Variants in CHD1L observed in about 807,000 individuals in gnomAD.
CHD1L encodes ATP-dependent chromatin remodeler CHD1L.
CHD1L carries 118 observed loss-of-function variants against 115.9 expected under a neutral mutation model. That is an observed-to-expected ratio of 1.02 (90% CI 0.88 to 1.19). The LOEUF (loss-of-function observed/expected upper bound fraction) is 1.19. Ranked by LOEUF, CHD1L falls within the 50% of genes most tolerant of loss-of-function variation. The probability of loss-of-function intolerance (pLI) is 0.00; values close to 1 mark genes in which losing one functional copy is unlikely to be tolerated. For synonymous variants in CHD1L, 411 were observed against 387.1 expected (o/e 1.06, Z -0.72); for missense variants, 1,179 against 1,065.3 (o/e 1.11, Z -1.49).
chr1:147,225,771 A>G, the CHD1L span: 1 of 152,264 alleles, frequency 6.6e-6, no homozygotes, highest in Admixed American at 6.5e-5. Context: ...AGGATGAGCC[A>G]CAGACAAAAC....
chr1:147,189,859 G>A, the CHD1L span, among the ~76,000 whole-genome samples: 2,416 of 152,180 alleles, frequency 0.016, 79 homozygotes, highest in African/African-American at 0.056. Context: ...AAGTCTACTA[G>A]CACTTCAAGT....
At chr1:147,186,834 G>A in the CHD1L span, 20 of 1,531,662 alleles carry the variant, frequency 1.3e-5, no homozygotes, top group African/African-American at 5.5e-5. Context: ...AGTCAATCTC[G>A]TCAGATTCTG....
chr1:147,174,750 A>C, the CHD1L span: 1 of 152,240 alleles, frequency 6.6e-6, no homozygotes, highest in East Asian at 1.9e-4. Flanking sequence ...AGATCCTCTT[A>C]ACCAGTATCA....
At position 147,293,688 on chromosome 1, in the gene CHD1L, G is replaced by A. The variant is rs1686466765; in HGVS notation, c.2472G>A (p.Leu824=). The A allele has an allele frequency of 6.2e-7, 1 of 1,613,782 alleles. No homozygotes were observed. The highest frequency in any genetic ancestry group is 1.1e-5 in the South Asian group (1 of 91,020). Residue 824 remains leucine, a synonymous_variant, in exon 21 of 23, where the codon CTG becomes CTA. Coordinates refer to ENST00000369258, the MANE Select transcript of CHD1L (RefSeq NM_004284.6). ...GIKMAALEEG[L]KKIFLAAKKK... ...AGATGGCAGCCCTAGAAGAGGGCCTGAAGAAGATATTTTTAGCAGCAAAAA... is the reference window on the plus strand; with the variant it reads ...AGATGGCAGCCCTAGAAGAGGGCCTAAAGAAGATATTTTTAGCAGCAAAAA...
At chr1:147,192,888 T>C in the CHD1L span, among the ~76,000 whole-genome samples, 5 of 152,188 alleles carry the variant, frequency 3.3e-5, no homozygotes, top group African/African-American at 1.2e-4. Context: ...GATAAGCTTT[T>C]TGATGAGCTG....
chr1:147,258,144 G>C (rs1311611428), intron 5 of CHD1L, among the ~76,000 whole-genome samples: 2 of 152,156 alleles, frequency 1.3e-5, no homozygotes, highest in Non-Finnish European at 2.9e-5. Context: ...GGCTGTGCAT[G>C]TTACAAATAT....
intron 1 of CHD1L, among the ~76,000 whole-genome samples, chr1:147,250,896 G>T (rs1559735741): frequency 6.6e-6 from 1 of 152,140 alleles, no homozygotes. Flanking sequence ...GCCAGGTGGA[G>T]ATAATTGAAT....
At chr1:147,202,215 T>C in the CHD1L span, among the ~76,000 whole-genome samples, 2 of 151,712 alleles carry the variant, frequency 1.3e-5, no homozygotes, top group East Asian at 1.9e-4. Context: ...ACTGGAAACA[T>C]TGGGTTGGTG....
chr1:147,184,682 C>G, the CHD1L span: 3 of 1,440,806 alleles, frequency 2.1e-6, no homozygotes, highest in African/African-American at 4.3e-5. This position sits in a 1 kb window ranked among gnomAD's most constrained non-coding sequence, Gnocchi z 4.4. Flanking sequence ...GTGGCCTTCT[C>G]ATCACTTCAT....
At chr1:147,221,211 C>G in the CHD1L span, among the ~76,000 whole-genome samples, 4 of 152,198 alleles carry the variant, frequency 2.6e-5, no homozygotes, top group South Asian at 6.2e-4. Flanking sequence ...AATGCAGTAT[C>G]CTGGATGGGA....
chr1:147,233,028 G>A, the CHD1L span, among the ~76,000 whole-genome samples: 92 of 151,736 alleles, frequency 6.1e-4, no homozygotes, highest in Non-Finnish European at 1.1e-3. Flanking sequence ...GCCTCTTCCC[G>A]GCCGCCATCC....
the CHD1L span, among the ~76,000 whole-genome samples, chr1:147,193,805 A>C: frequency 6.6e-6 from 1 of 152,070 alleles, no homozygotes; most frequent in African/African-American, 2.4e-5. Context: ...GTTTCCATGT[A>C]GTTGAGTGGT....
chr1:147,285,245 C>G, intron 16 of CHD1L, 79 bp from the exon 17 acceptor site: 2 of 1,462,064 alleles, frequency 1.4e-6, no homozygotes, highest in Non-Finnish European at 1.9e-6. Context: ...ATGTTGCTTC[C>G]GTACAGTGTG....
At chr1:147,179,686 T>A in the CHD1L span, 2 of 920,168 alleles carry the variant, frequency 2.2e-6, no homozygotes, top group South Asian at 2.7e-5. Flanking sequence ...GGAAAACCAC[T>A]GGGGAGGACT....
the CHD1L span, chr1:147,190,233 G>T: frequency 6.2e-7 from 1 of 1,609,800 alleles, no homozygotes; most frequent in South Asian, 1.1e-5. Flanking sequence ...CACTCTGTGA[G>T]GGCAATGTCT....
intron 11 of CHD1L, 95 bp downstream of exon 11, chr1:147,271,100 C>T: frequency 1.9e-6 from 2 of 1,062,796 alleles, no homozygotes; most frequent in Admixed American, 2.0e-5. Context: ...GAGAATATTA[C>T]AAAGGAAAGC....
the CHD1L span, chr1:147,173,137 C>G: frequency 6.5e-6 from 1 of 152,798 alleles, no homozygotes; most frequent in Admixed American, 6.5e-5. Flanking sequence ...CCCGGCTCTA[C>G]TAAAAATACA....
At chr1:147,191,370 G>C in the CHD1L span, among the ~76,000 whole-genome samples, 3 of 152,010 alleles carry the variant, frequency 2.0e-5, no homozygotes, top group Admixed American at 6.6e-5. Context: ...TTTAATGATC[G>C]CCATTCTAAC....
chr1:147,294,621 A>G (rs1686889056), intron 22 of CHD1L, 104 bp downstream of exon 22: 1 of 792,014 alleles, frequency 1.3e-6, no homozygotes. Context: ...TCTTCCTGCC[A>G]CAGTCTTTAC....
Sources: gnomAD v4.1 joint callset for allele counts (sites outside exome capture counted in the v4.1 genomes callset) on GRCh38, gnomAD v4.1.1 for gene constraint, Gnocchi (gnomAD v3.1) non-coding constraint, MANE v1.5 for transcripts, NCBI Gene and HGNC (gene_info 2026-07-23, HGNC 2026-07-21) for gene names.